Variants in NCALD observed in about 807,000 individuals in gnomAD.
NCALD encodes neurocalcin delta, also known as neurocalcin-delta.
A neutral mutation model predicts 18.6 loss-of-function variants in NCALD; 10 were observed. The ratio of observed to expected loss-of-function variants is 0.54; its 90% CI spans 0.33 to 0.91. NCALD has a LOEUF of 0.91. NCALD is among the 40% of genes least tolerant of loss of function. The pLI, the probability that NCALD is intolerant of heterozygous loss-of-function variation, is 0.03. For missense variants in NCALD, 184 were observed against 247.6 expected (o/e 0.74, Z 1.72); for synonymous variants, 88 against 87.4 (o/e 1.01, Z -0.04).
chr8:101,849,538 T>C (rs1386666091), intron 4 of NCALD, among the ~76,000 whole-genome samples: 1 of 152,140 alleles, frequency 6.6e-6, no homozygotes, highest in Non-Finnish European at 1.5e-5. Flanking sequence ...TGTCACTCTG[T>C]AAATGGTCTT....
chr8:101,700,509 G>A (rs1375526067), intron 2 of NCALD, among the ~76,000 whole-genome samples: 1 of 152,098 alleles, frequency 6.6e-6, no homozygotes, highest in Non-Finnish European at 1.5e-5. Context: ...CCCTTGCCTA[G>A]GCTACCTCTG....
chr8:102,003,783 GA>G (rs1278032826), intron 2 of NCALD, among the ~76,000 whole-genome samples: 1 of 152,172 alleles, frequency 6.6e-6, no homozygotes, highest in Non-Finnish European at 1.5e-5. Context: ...AAAACCACAT[GA>G]TTATCTCAAT....
chr8:101,789,755 G>A (rs1812378830), intron 1 of NCALD, among the ~76,000 whole-genome samples: 1 of 151,978 alleles, frequency 6.6e-6, no homozygotes, highest in Non-Finnish European at 1.5e-5. Flanking sequence ...TTAGACACCT[G>A]GTTATAAATC....
Position 101,764,016 on chromosome 8 carries a change from C to CACACA in NCALD, c.-20+26845_-20+26846insTGTGT, listed in dbSNP as rs1563744473. 6.2e-3 allele frequency among the ~76,000 whole-genome samples: 94 copies of CACACA among 15,214 alleles called. 3 individuals are homozygous for CACACA. Among genetic ancestry groups the CACACA allele is most frequent in the South Asian group, 0.017 (8 of 472 alleles). The allele number at this position is 15,214 out of a possible 152,430, so 10.0% of individuals were successfully genotyped here. On this transcript the variant is annotated intron_variant, in intron 1 of 3. Transcript: ENST00000220931. Reference sequence around the variant, plus strand: ...CACACACACACACACACACACACACCCCCTATTGGTCTGTCTCTCAAGAGA... The same window carrying CACACA: ...CACACACACACACACACACACACACCACACACCCTATTGGTCTGTCTCTCAAGAGA...
intron 1 of NCALD, among the ~76,000 whole-genome samples, chr8:101,725,327 C>T (rs1404480528): frequency 6.6e-6 from 1 of 152,204 alleles, no homozygotes; most frequent in Non-Finnish European, 1.5e-5. Context: ...CTTCAGACAG[C>T]ATGACTTCAG....
At chr8:101,867,047 G>A (rs1815799356) in intron 4 of NCALD, among the ~76,000 whole-genome samples, 1 of 152,102 alleles carries the variant, frequency 6.6e-6, no homozygotes, top group South Asian at 2.1e-4. Context: ...CAGCCACTCT[G>A]GCCTTCCACC....
At position 101,688,741 on chromosome 8, in the gene NCALD, A is replaced by G; in HGVS notation, c.*568T>C. ...CTCTCCTCTGTTAATTTATCTTGAA[A>G]TGTTCACAGCTTAGAAACTACAGCC... On this transcript the variant is annotated 3_prime_UTR_variant, in exon 4 of 4. Transcript: ENST00000220931. 1 of 525,654 alleles carries G rather than the reference A, an allele frequency of 1.9e-6. No individual in the cohort carries two copies. The highest frequency in any genetic ancestry group is 3.7e-6 in the Non-Finnish European group (1 of 273,000). The allele number at this position is 525,654 out of a possible 1,614,324, so 32.6% of individuals were successfully genotyped here.
At chr8:101,879,586 AC>A (rs1263518510) in intron 4 of NCALD, among the ~76,000 whole-genome samples, 1 of 152,132 alleles carries the variant, frequency 6.6e-6, no homozygotes, top group Non-Finnish European at 1.5e-5. Flanking sequence ...ACGGGTTACA[AC>A]GGCTAGCTGG....
At chr8:101,992,883 A>ATT (rs890187852) in intron 2 of NCALD, among the ~76,000 whole-genome samples, 4 of 150,708 alleles carry the variant, frequency 2.7e-5, no homozygotes, top group Non-Finnish European at 5.9e-5. Flanking sequence ...ATTTTCCAGG[A>ATT]TTTTTTTTTA....
intron 1 of NCALD, among the ~76,000 whole-genome samples, chr8:102,093,587 T>C (rs1278343415): frequency 6.6e-6 from 1 of 152,224 alleles, no homozygotes; most frequent in Non-Finnish European, 1.5e-5. Flanking sequence ...CTTTGCCTCT[T>C]TCTTCTTTTC....
chr8:101,705,029 C>T (rs891076266), intron 2 of NCALD, among the ~76,000 whole-genome samples: 19 of 151,892 alleles, frequency 1.3e-4, no homozygotes, highest in Admixed American at 9.2e-4. Flanking sequence ...TTCGAGACGA[C>T]CAGCCTGGCC....
chr8:102,040,004 C>T (rs773395008), intron 1 of NCALD, among the ~76,000 whole-genome samples: 5 of 152,164 alleles, frequency 3.3e-5, no homozygotes, highest in Non-Finnish European at 7.3e-5. Flanking sequence ...GCCAAATAAA[C>T]CATTTTTCTT....
At chr8:102,032,714 T>C (rs77299460) in intron 1 of NCALD, among the ~76,000 whole-genome samples, 6 of 151,308 alleles carry the variant, frequency 4.0e-5, no homozygotes, top group Admixed American at 2.6e-4. Flanking sequence ...GTATCTCATG[T>C]GCATGCTCAC....
intron 2 of NCALD, among the ~76,000 whole-genome samples, chr8:101,982,649 G>T (rs183040469): frequency 3.5e-4 from 53 of 152,106 alleles, no homozygotes; most frequent in Non-Finnish European, 1.5e-5. Context: ...GACGATCCTG[G>T]CTAACATGGT....
chr8:102,081,601 A>G (rs1587041917), intron 1 of NCALD, among the ~76,000 whole-genome samples: 1 of 149,816 alleles, frequency 6.7e-6, no homozygotes, highest in African/African-American at 2.4e-5. Flanking sequence ...GGCTTTGCGC[A>G]TGCGCACTTT....
In NCALD at chr8:101,946,809, CAAAAAAAAAAAA is replaced by C. The variant is rs71268537; in HGVS notation, c.-156-30963_-156-30952del. 9.5e-3 allele frequency among the ~76,000 whole-genome samples: 625 copies of C among 65,696 alleles called. 8 individuals are homozygous for C. The highest frequency in any genetic ancestry group is 8.9e-3 in the Non-Finnish European group (320 of 35,970). The allele number at this position is 65,696 out of a possible 152,430, so 43.1% of individuals were successfully genotyped here. ...AGTGGAGACTATCCACATCAATTAG[CAAAAAAAAAAAA>C]AAAAAAAAAAAAAATCTTGTTTGTG... On this transcript the variant is annotated intron_variant, in intron 2 of 6. Transcript: ENST00000311028.
chr8:101,901,780 G>C (rs796559887), intron 3 of NCALD, among the ~76,000 whole-genome samples: 3 of 146,468 alleles, frequency 2.0e-5, no homozygotes, highest in African/African-American at 7.8e-5. Context: ...TTTATTCTTT[G>C]CATTACTCTT....
chr8:101,834,984 C>T (rs1814349760), intron 4 of NCALD, among the ~76,000 whole-genome samples: 1 of 152,198 alleles, frequency 6.6e-6, no homozygotes, highest in African/African-American at 2.4e-5. Flanking sequence ...AGACAAGTCA[C>T]CTCACTTCTT....
intron 1 of NCALD, chr8:101,746,017 T>G (rs1810412026): frequency 6.6e-6 from 1 of 152,216 alleles, no homozygotes; most frequent in Non-Finnish European, 1.5e-5. Flanking sequence ...CACATTTGTG[T>G]AATAGTGTAC....
Sources: allele counts gnomAD v4.1 joint callset (sites outside exome capture counted in the v4.1 genomes callset), GRCh38; gene constraint gnomAD v4.1.1; transcripts MANE v1.5; gene names NCBI Gene and HGNC (gene_info 2026-07-23, HGNC 2026-07-21).